Variants in TMEM154 observed in about 807,000 individuals in gnomAD.
TMEM154 encodes transmembrane protein 154.
TMEM154 carries 27 observed loss-of-function variants against 24.5 expected under a neutral mutation model. That is an observed-to-expected ratio of 1.10 (90% CI 0.81 to 1.52). The LOEUF (loss-of-function observed/expected upper bound fraction) is 1.52. Ranked by LOEUF, TMEM154 falls within the 40% of genes most tolerant of loss-of-function variation. TMEM154 has a pLI of 0.00. For missense variants in TMEM154, 228 were observed against 213.4 expected, an observed-to-expected ratio of 1.07 and a Z score of -0.43; for synonymous variants, 67 against 76.8, an observed-to-expected ratio of 0.87 and a Z score of 0.67.
At chr4:152,669,121 C>T (rs185351033) in intron 1 of TMEM154, 2 of 152,272 alleles carry the variant, frequency 1.3e-5, no homozygotes, top group East Asian at 1.9e-4. Flanking sequence ...TAGTTTTTAA[C>T]GTGATTACAT....
chr4:152,666,449 G>C (rs917468421), intron 1 of TMEM154: 1 of 151,948 alleles, frequency 6.6e-6, no homozygotes, highest in Admixed American at 6.6e-5. Flanking sequence ...AATGTGATTA[G>C]ACAACCCTCC....
rs1751860109 is a variant in TMEM154 at position 152,622,602 on chromosome 4, A to G, written c.*5944T>C. ...AATGTTTTTCAATCTATCACTGCCAAATGAGCAATTTAGCACACAAACATG... is the reference window on the plus strand; with the variant it reads ...AATGTTTTTCAATCTATCACTGCCAGATGAGCAATTTAGCACACAAACATG... On this transcript the variant is annotated 3_prime_UTR_variant, in exon 7 of 7. Transcript: ENST00000304385. 6.6e-6 allele frequency: 1 copy of G among 152,168 alleles called. No homozygotes were observed. The highest frequency in any genetic ancestry group is 6.6e-5 in the Admixed American group (1 of 15,266). The allele number at this position is 152,168 out of a possible 1,614,324, so 9.4% of individuals were successfully genotyped here. A position where few individuals can be genotyped will look rare whatever the true frequency, so the allele number is the denominator to read the frequency against.
At chr4:152,635,267 G>A (rs943461937) in intron 6 of TMEM154, among the ~76,000 whole-genome samples, 1 of 152,154 alleles carries the variant, frequency 6.6e-6, no homozygotes, top group Admixed American at 6.5e-5. Context: ...GCTGCTGAGT[G>A]TTCTTCTTTT....
chr4:152,659,182 TA>T (rs1244694532), intron 1 of TMEM154, among the ~76,000 whole-genome samples: 5 of 152,270 alleles, frequency 3.3e-5, no homozygotes, highest in Middle Eastern at 3.4e-3. Context: ...TATTCAGTCA[TA>T]AAAAAGAATG....
intron 1 of TMEM154, among the ~76,000 whole-genome samples, chr4:152,658,473 CA>C (rs1728534322): frequency 6.6e-6 from 1 of 151,912 alleles, no homozygotes; most frequent in South Asian, 2.1e-4. Flanking sequence ...AGACTAAAAA[CA>C]AACAAAAAAC....
At chr4:152,666,344 G>A (rs1728722375) in intron 1 of TMEM154, 1 of 152,192 alleles carries the variant, frequency 6.6e-6, no homozygotes, top group Admixed American at 6.5e-5. Context: ...ACTCTAGTAA[G>A]TATGTATGTT....
Position 152,652,904 on chromosome 4 carries a change from A to C in TMEM154, c.88T>G (p.Ser30Ala), listed in dbSNP as rs1269940997. 1.2e-6 allele frequency: 2 copies of C among 1,606,394 alleles called. No individual in the cohort carries two copies. Among genetic ancestry groups the C allele is most frequent in the Admixed American group, 1.7e-5 (1 of 58,248 alleles). The change falls in exon 2 of 7, where the codon TCA becomes GCA. Residue 30 changes from serine to alanine, a missense_variant. Physicochemically the swap from Ser to Ala is moderately conservative, Grantham distance 99. Transcript: ENST00000304385. ...GRGNYEELEN[S>A]GDTTVESERP... ...TCAGATTCCACAGTTGTATCTCCTG[A>C]GTTTTCTAATTCCTCATAATTACCT...
At chr4:152,646,848 C>A in intron 3 of TMEM154, 1 of 663,964 alleles carries the variant, frequency 1.5e-6, no homozygotes, top group South Asian at 1.6e-5. Flanking sequence ...GAGAAAGAGT[C>A]TCTTTCCAGA....
chr4:152,637,103 G>A (rs1752164500), intron 6 of TMEM154, among the ~76,000 whole-genome samples: 1 of 152,176 alleles, frequency 6.6e-6, no homozygotes, highest in African/African-American at 2.4e-5. Context: ...TGTGAGGGCA[G>A]AGGGTATATG....
At chr4:152,641,081 G>T in intron 5 of TMEM154, 96 bp from the exon 6 acceptor site, 2 of 1,213,230 alleles carry the variant, frequency 1.6e-6, no homozygotes, top group Non-Finnish European at 1.1e-6. Flanking sequence ...TCTCTGATCT[G>T]CGTGGTTACT....
rs921833552 is a variant in TMEM154, at chr4:152,648,300, T to C, written c.365-3858A>G. ...GAGTTTGAGACTTGCCTGAGCAACA[T>C]AGCAAGACTCCATCTCTACAAAACG... On this transcript the variant is annotated intron_variant, in intron 3 of 6. Coordinates refer to ENST00000304385, the MANE Select transcript of TMEM154 (RefSeq NM_152680.3). Among the ~76,000 whole-genome samples the C allele has an allele frequency of 2.6e-5, 4 of 151,840 alleles. No individual in the cohort carries two copies. In the South Asian group the frequency reaches 8.3e-4, roughly 32 times the overall value.
intron 1 of TMEM154, among the ~76,000 whole-genome samples, chr4:152,667,404 G>A (rs1443936203): frequency 6.6e-6 from 1 of 150,832 alleles, no homozygotes; most frequent in Non-Finnish European, 1.5e-5. Flanking sequence ...CCTAAATAAT[G>A]AGACTTCATG....
intron 1 of TMEM154, among the ~76,000 whole-genome samples, chr4:152,664,535 A>G: frequency 6.6e-6 from 1 of 152,232 alleles, no homozygotes; most frequent in South Asian, 2.1e-4. Flanking sequence ...AATTTTTTTA[A>G]AGCTTAATTA....
At chr4:152,672,119 T>G (rs1285215461) in intron 1 of TMEM154, among the ~76,000 whole-genome samples, 1 of 144,192 alleles carries the variant, frequency 6.9e-6, no homozygotes. Context: ...AAGCAAAAAT[T>G]AGCCGGGTGT....
intron 6 of TMEM154, among the ~76,000 whole-genome samples, chr4:152,636,843 C>T (rs1467019296): frequency 6.6e-6 from 1 of 152,196 alleles, no homozygotes; most frequent in Non-Finnish European, 1.5e-5. Context: ...AAATGAATTC[C>T]AGAAGGCTTT....
At chr4:152,664,046 T>C (rs183759522) in intron 1 of TMEM154, among the ~76,000 whole-genome samples, 130 of 152,148 alleles carry the variant, frequency 8.5e-4, no homozygotes, top group African/African-American at 3.0e-3. Context: ...AGCTAACTTC[T>C]CTTTTTCTGA....
chr4:152,628,706 G>A (rs560215207), intron 6 of TMEM154, 145 bp from the exon 7 acceptor site: 166 of 1,044,732 alleles, frequency 1.6e-4, no homozygotes, highest in Non-Finnish European at 2.0e-4. Flanking sequence ...GCACAATCTC[G>A]GCCCACTGCA....
At chr4:152,637,982 G>A (rs1387002315) in intron 6 of TMEM154, among the ~76,000 whole-genome samples, 2 of 152,136 alleles carry the variant, frequency 1.3e-5, no homozygotes, top group Non-Finnish European at 1.5e-5. Flanking sequence ...CAGACTGGGC[G>A]AGGCACAGTG....
chr4:152,646,689 T>G (rs566585026), intron 3 of TMEM154: 5 of 405,450 alleles, frequency 1.2e-5, no homozygotes, highest in African/African-American at 8.3e-5. Flanking sequence ...AGTTCCTACT[T>G]CCCCCCCACT....
Sources: allele counts gnomAD v4.1 joint callset (sites outside exome capture counted in the v4.1 genomes callset), GRCh38; gene constraint gnomAD v4.1.1; transcripts MANE v1.5; gene names NCBI Gene and HGNC (gene_info 2026-07-23, HGNC 2026-07-21).